The following RHOBTB2 variants were observed in gnomAD, a reference collection of about 807,000 sequenced individuals.
The protein encoded by RHOBTB2 is rho-related BTB domain-containing protein 2.
In RHOBTB2, 39 loss-of-function variants were observed where a neutral mutation model predicts 66.5. That is an observed-to-expected ratio of 0.59 (90% CI 0.45 to 0.77). The LOEUF is 0.77. RHOBTB2 is among the 30% of genes least tolerant of loss of function. The probability of loss-of-function intolerance (pLI) is 0.00; values close to 1 mark genes in which losing one functional copy is unlikely to be tolerated. For synonymous variants in RHOBTB2, 390 were observed against 395.0 expected, an observed-to-expected ratio of 0.99 and a Z score of 0.15; for missense variants, 755 against 999.1, an observed-to-expected ratio of 0.76 and a Z score of 3.29.
At chr8:22,976,452 G>A in the RHOBTB2 span, among the ~76,000 whole-genome samples, 27 of 152,276 alleles carry the variant, frequency 1.8e-4, no homozygotes, top group Non-Finnish European at 3.7e-4. Flanking sequence ...CACTTGAGGG[G>A]TTCAGGAAGA....
the RHOBTB2 span, among the ~76,000 whole-genome samples, chr8:22,970,387 G>C: frequency 9.1e-4 from 138 of 152,218 alleles, no homozygotes; most frequent in African/African-American, 2.9e-3. Flanking sequence ...TTAATACCAT[G>C]ACATTGGCCA....
At chr8:22,960,093 G>A in the RHOBTB2 span, among the ~76,000 whole-genome samples, 4 of 150,026 alleles carry the variant, frequency 2.7e-5, no homozygotes, top group African/African-American at 9.8e-5. Context: ...TGAGGCAGGA[G>A]AATCGCCTGA....
Position 22,999,706 on chromosome 8 carries a change from CG to C in RHOBTB2, c.-408del. On this transcript the variant is annotated 5_prime_UTR_variant, in exon 1 of 10. The change creates a premature stop within an existing upstream ORF in the 5' untranslated region. Coordinates refer to ENST00000251822, the MANE Select transcript of RHOBTB2 (RefSeq NM_015178.3). The stretch of plus-strand genomic sequence containing the variant: ...GGGACTGCAGCGCCAGGCGTCTTCG[CG>C]GCAGCGCCTTCGCCGCGGGCCCGGG... The C allele has an allele frequency of 8.7e-7, 1 of 1,149,962 alleles. No individual in the cohort carries two copies. The allele number at this position is 1,149,962 out of a possible 1,614,324, so 71.2% of individuals were successfully genotyped here.
At chr8:22,994,607 C>G, upstream of RHOBTB2, 1 of 1,551,586 alleles carries the variant, frequency 6.4e-7, no homozygotes, top group Non-Finnish European at 8.7e-7. Flanking sequence ...GAAAAGGCCC[C>G]GATGGCCCCC....
In RHOBTB2 at chr8:23,006,728, G is replaced by A; in HGVS notation, c.483G>A (p.Arg161=). Residue 161 remains arginine, a splice_region_variant and synonymous_variant, in exon 5 of 10, where the codon AGG becomes AGA. Transcript: ENST00000251822. The surrounding 1 kb of genome is among the most constrained non-coding windows in gnomAD (Gnocchi z 6.1). The part of the protein sequence containing the change: ...AVNRARRPLA[R]PIKPNEILPP... ...TTGGTTTCCTTCTTGAACCTACCAG[G>A]CCCATCAAACCTAATGAAATCCTGC... 2 of 1,607,914 alleles carry A rather than the reference G, an allele frequency of 1.2e-6. No homozygotes were observed. The highest frequency in any genetic ancestry group is 1.7e-6 in the Non-Finnish European group (2 of 1,175,734).
At chr8:22,971,363 T>G in the RHOBTB2 span, among the ~76,000 whole-genome samples, 1 of 143,590 alleles carries the variant, frequency 7.0e-6, no homozygotes, top group African/African-American at 2.7e-5. Context: ...TTTTTTTTTT[T>G]AAGTAGAGGT....
At chr8:22,956,461 C>A in the RHOBTB2 span, among the ~76,000 whole-genome samples, 2 of 151,982 alleles carry the variant, frequency 1.3e-5, no homozygotes, top group Non-Finnish European at 2.9e-5. Context: ...AAGTGTGTAG[C>A]CCCTCCCCCT....
chr8:22,988,139 T>C (rs571089990), intron 1 of RHOBTB2, among the ~76,000 whole-genome samples: 1 of 148,388 alleles, frequency 6.7e-6, no homozygotes, highest in East Asian at 2.0e-4. Flanking sequence ...ATCTCTGTTG[T>C]CCTGCTCCTT....
At chr8:22,988,444 G>A (rs2128795558) in intron 1 of RHOBTB2, among the ~76,000 whole-genome samples, 1 of 152,162 alleles carries the variant, frequency 6.6e-6, no homozygotes, top group African/African-American at 2.4e-5. Context: ...TTACAGGCGT[G>A]AGCCACCGCA....
chr8:22,972,468 A>G, the RHOBTB2 span, among the ~76,000 whole-genome samples: 1 of 152,146 alleles, frequency 6.6e-6, no homozygotes, highest in Non-Finnish European at 1.5e-5. Context: ...TGTTGTCACC[A>G]CTGTCAGCCC....
At chr8:23,013,619 C>T (rs756935054) in intron 7 of RHOBTB2, among the ~76,000 whole-genome samples, 2 of 151,792 alleles carry the variant, frequency 1.3e-5, no homozygotes, top group Non-Finnish European at 1.5e-5. Flanking sequence ...CCTCAGTCGC[C>T]CGAGTAGCTG....
At chr8:22,973,953 C>G in the RHOBTB2 span, among the ~76,000 whole-genome samples, 3 of 149,750 alleles carry the variant, frequency 2.0e-5, no homozygotes, top group Non-Finnish European at 2.9e-5. Flanking sequence ...TGAGACCCAC[C>G]CCAGGCACCA....
At chr8:22,955,104 C>G in the RHOBTB2 span, among the ~76,000 whole-genome samples, 1 of 152,170 alleles carries the variant, frequency 6.6e-6, no homozygotes, top group South Asian at 2.1e-4. Context: ...GCACTCCAGC[C>G]TGGGTGACAG....
intron 1 of RHOBTB2, among the ~76,000 whole-genome samples, chr8:22,988,041 C>A (rs1414078705): frequency 6.6e-6 from 1 of 151,996 alleles, no homozygotes; most frequent in African/African-American, 2.4e-5. Context: ...CCAAGGGGAA[C>A]ACAGGAACAG....
At chr8:23,009,265 C>T (rs970903000) in intron 6 of RHOBTB2, among the ~76,000 whole-genome samples, 4 of 152,088 alleles carry the variant, frequency 2.6e-5, no homozygotes, top group Admixed American at 2.0e-4. Context: ...TAATCAGTGA[C>T]CCTCTAGCTC....
Position 23,007,373 on chromosome 8 carries a change from A to G in RHOBTB2, c.1128A>G (p.Thr376=), listed in dbSNP as rs1236520823. 2 of 1,614,024 alleles carry G rather than the reference A, an allele frequency of 1.2e-6. No homozygotes were observed. The highest frequency in any genetic ancestry group is 1.7e-6 in the Non-Finnish European group (2 of 1,179,964). ...TSDGILRGNG[T]GYLPGRGRVL... is the part of the protein sequence containing the mutation. ...ACGGGATCTTACGGGGCAACGGAAC[A>G]GGGTACCTACCGGGCAGGGGTCGTG... The change falls in exon 5 of 10, where the codon ACA becomes ACG. Residue 376 remains threonine (T), a synonymous_variant. Transcript: ENST00000251822.
chr8:22,964,503 C>T, the RHOBTB2 span, among the ~76,000 whole-genome samples: 2 of 152,090 alleles, frequency 1.3e-5, no homozygotes, highest in Non-Finnish European at 2.9e-5. Flanking sequence ...TTCTGTCCTG[C>T]TCAGTAGGCA....
upstream of RHOBTB2, among the ~76,000 whole-genome samples, chr8:22,985,092 T>C (rs780821542): frequency 3.9e-5 from 6 of 152,064 alleles, no homozygotes; most frequent in Non-Finnish European, 5.9e-5. Flanking sequence ...AGAGGGAGTG[T>C]TGGGGACCAG....
the RHOBTB2 span, among the ~76,000 whole-genome samples, chr8:22,962,753 C>G: frequency 6.6e-6 from 1 of 152,208 alleles, no homozygotes; most frequent in Non-Finnish European, 1.5e-5. Flanking sequence ...ACCTGACTGT[C>G]TCCTGCTGGA....
Sources: allele counts gnomAD v4.1 joint callset (sites outside exome capture counted in the v4.1 genomes callset), GRCh38; gene constraint gnomAD v4.1.1; non-coding constraint Gnocchi (gnomAD v3.1); transcripts MANE v1.5; gene names NCBI Gene and HGNC (gene_info 2026-07-23, HGNC 2026-07-21).